Variants in ARHGAP24 observed in about 807,000 individuals in gnomAD.
ARHGAP24 encodes rho GTPase-activating protein 24.
ARHGAP24 carries 50 observed loss-of-function variants against 76.4 expected under a neutral mutation model. That is an observed-to-expected ratio of 0.65 (90% CI 0.52 to 0.83). The LOEUF is 0.83. ARHGAP24 is among the 40% of genes least tolerant of loss of function. The pLI, the probability that ARHGAP24 is intolerant of heterozygous loss-of-function variation, is 0.00. For synonymous variants in ARHGAP24, 345 were observed against 323.3 expected (o/e 1.07, Z -0.72); for missense variants, 930 against 914.2 (o/e 1.02, Z -0.22).
chr4:85,561,930 G>A (rs1292928302), intron 1 of ARHGAP24, among the ~76,000 whole-genome samples: 1 of 152,188 alleles, frequency 6.6e-6, no homozygotes, highest in East Asian at 1.9e-4. Context: ...AGAATGTGGT[G>A]AGGGATGAAG....
chr4:85,863,799 T>C (rs1256455061), intron 3 of ARHGAP24, among the ~76,000 whole-genome samples: 1 of 151,976 alleles, frequency 6.6e-6, no homozygotes, highest in Non-Finnish European at 1.5e-5. Flanking sequence ...ATTTAGAACA[T>C]GGACACACAT....
intron 2 of ARHGAP24, among the ~76,000 whole-genome samples, chr4:85,586,601 A>C (rs780867903): frequency 4.6e-5 from 7 of 152,152 alleles, no homozygotes; most frequent in Non-Finnish European, 1.0e-4. Flanking sequence ...TCTCAGGCTT[A>C]ATAAAGTTGA....
At chr4:85,617,955 A>C (rs1720594878) in intron 2 of ARHGAP24, among the ~76,000 whole-genome samples, 1 of 152,194 alleles carries the variant, frequency 6.6e-6, no homozygotes, top group Non-Finnish European at 1.5e-5. Flanking sequence ...CAAGCTAATT[A>C]ATACATCCAC....
chr4:85,972,219 T>C, intron 6 of ARHGAP24, 51 bp downstream of exon 6: 17 of 1,607,250 alleles, frequency 1.1e-5, no homozygotes, highest in Non-Finnish European at 1.4e-5. Flanking sequence ...AATTTTTTTC[T>C]GTGTTCTTAG....
chr4:85,783,248 A>G (rs541519685), intron 3 of ARHGAP24, among the ~76,000 whole-genome samples: 1 of 152,214 alleles, frequency 6.6e-6, no homozygotes, highest in South Asian at 2.1e-4. Flanking sequence ...TATTTGTTTT[A>G]TATCAATCAG....
rs575435751 is a variant in ARHGAP24, at chr4:85,838,547, C to T, written c.269-85101C>T. Among the ~76,000 whole-genome samples, 1,270 of 152,150 alleles carry T rather than the reference C, an allele frequency of 8.3e-3. 14 individuals carry two copies. The highest frequency in any genetic ancestry group is 0.029 in the African/African-American group (1,220 of 41,508). ...CCAGGAGGCGGAGCTGGCAGTGAGC[C>T]GAGATCACGCCACTGCACTCCAGCC... On this transcript the variant is annotated intron_variant, in intron 3 of 9. Transcript: ENST00000395184.
chr4:85,953,901 G>C (rs1044901720), intron 5 of ARHGAP24, among the ~76,000 whole-genome samples: 1 of 152,076 alleles, frequency 6.6e-6, no homozygotes, highest in African/African-American at 2.4e-5. Flanking sequence ...AAATAAGCCC[G>C]TCCTCCAAGG....
intron 3 of ARHGAP24, among the ~76,000 whole-genome samples, chr4:85,741,381 TA>T (rs1725821209): frequency 6.6e-6 from 1 of 152,232 alleles, no homozygotes; most frequent in South Asian, 2.1e-4. Context: ...TTAAAATAAA[TA>T]AATACATAAA....
At chr4:85,729,316 A>G (rs1331733122) in intron 3 of ARHGAP24, among the ~76,000 whole-genome samples, 1 of 152,214 alleles carries the variant, frequency 6.6e-6, no homozygotes, top group Non-Finnish European at 1.5e-5. Context: ...TGTATTAACT[A>G]CTATGTGTTC....
chr4:85,486,310 G>A (rs547231388), intron 1 of ARHGAP24, among the ~76,000 whole-genome samples: 1 of 152,116 alleles, frequency 6.6e-6, no homozygotes, highest in East Asian at 1.9e-4. Context: ...ATGACTGGAT[G>A]AAGCTACTGG....
intron 2 of ARHGAP24, among the ~76,000 whole-genome samples, chr4:85,687,430 C>T (rs1021463038): frequency 1.3e-5 from 2 of 152,122 alleles, no homozygotes; most frequent in Admixed American, 1.3e-4. Context: ...CCTACTCTCT[C>T]CCCGCTTTAG....
chr4:85,702,336 A>G (rs1449194803), intron 2 of ARHGAP24, among the ~76,000 whole-genome samples: 5 of 152,332 alleles, frequency 3.3e-5, no homozygotes, highest in African/African-American at 1.2e-4. Flanking sequence ...ACAGATGTAC[A>G]TTGTATTTAT....
intron 2 of ARHGAP24, among the ~76,000 whole-genome samples, chr4:85,655,344 CTTTAG>C (rs1722098588): frequency 6.6e-6 from 1 of 152,054 alleles, no homozygotes; most frequent in Non-Finnish European, 1.5e-5. Flanking sequence ...GAACAATGTT[CTTTAG>C]GGACTTGCTA....
At chr4:85,644,644 A>G (rs1475756755) in intron 2 of ARHGAP24, among the ~76,000 whole-genome samples, 1 of 152,158 alleles carries the variant, frequency 6.6e-6, no homozygotes, top group African/African-American at 2.4e-5. Context: ...CAAGGATAAG[A>G]TGGAGCTTCA....
chr4:85,570,899 T>C (rs1727114109), intron 2 of ARHGAP24, 178 bp downstream of exon 2: 1 of 683,502 alleles, frequency 1.5e-6, no homozygotes, highest in African/African-American at 1.8e-5. Context: ...AAATCGCTAA[T>C]TGAGGCCAAG....
intron 3 of ARHGAP24, among the ~76,000 whole-genome samples, chr4:85,758,307 A>G (rs556686657): frequency 1.5e-4 from 23 of 152,314 alleles, no homozygotes; most frequent in African/African-American, 1.7e-4. Context: ...GTGTATGCCC[A>G]TGCGAGGAAT....
intron 2 of ARHGAP24, among the ~76,000 whole-genome samples, chr4:85,612,895 C>A (rs145730258): frequency 6.7e-6 from 1 of 148,928 alleles, no homozygotes; most frequent in East Asian, 2.0e-4. Flanking sequence ...ACCTCCTGGA[C>A]TCAAGCAATT....
chr4:85,920,582 A>T (rs1183031065), intron 3 of ARHGAP24, among the ~76,000 whole-genome samples: 1 of 152,228 alleles, frequency 6.6e-6, no homozygotes, highest in Non-Finnish European at 1.5e-5. Flanking sequence ...CTACCAACAG[A>T]GTGAACAGAC....
chr4:85,878,165 CAG>C (rs376669423), intron 3 of ARHGAP24, among the ~76,000 whole-genome samples: 8 of 152,050 alleles, frequency 5.3e-5, no homozygotes, highest in African/African-American at 1.9e-4. Context: ...GATAGAAAAA[CAG>C]AGAGTTAGAT....
Sources: gnomAD v4.1 joint callset for allele counts (sites outside exome capture counted in the v4.1 genomes callset) on GRCh38, gnomAD v4.1.1 for gene constraint, MANE v1.5 for transcripts, NCBI Gene and HGNC (gene_info 2026-07-23, HGNC 2026-07-21) for gene names.